The following SLC25A21 variants were observed in gnomAD, a reference collection of about 807,000 sequenced individuals.
SLC25A21 encodes the protein solute carrier family 25 member 21, also known as mitochondrial 2-oxodicarboxylate carrier.
Under a neutral mutation model 43.8 loss-of-function variants are expected in SLC25A21, and 47 were observed. The observed-to-expected ratio is 1.07, with a 90% CI of 0.85 to 1.37. The LOEUF is 1.37. Among genes scored for constraint, SLC25A21 ranks in the 40% most tolerant of loss-of-function variants. SLC25A21 has a pLI of 0.00. For synonymous variants in SLC25A21, 131 were observed against 121.3 expected (o/e 1.08, Z -0.52); for missense variants, 352 against 350.2 (o/e 1.00, Z -0.04).
intron 1 of SLC25A21, among the ~76,000 whole-genome samples, chr14:37,008,025 CT>C (rs1960646397): frequency 6.6e-6 from 1 of 151,934 alleles, no homozygotes; most frequent in African/African-American, 2.4e-5. Flanking sequence ...CAGGCAACCA[CT>C]ACTACGGCTG....
At chr14:37,135,320 C>T (rs145232363) in intron 1 of SLC25A21, among the ~76,000 whole-genome samples, 1 of 152,148 alleles carries the variant, frequency 6.6e-6, no homozygotes, top group East Asian at 1.9e-4. Context: ...ATCACTTGAG[C>T]CCAAGGAGTT....
chr14:37,086,100 G>A (rs1028978229), intron 1 of SLC25A21, among the ~76,000 whole-genome samples: 1 of 151,592 alleles, frequency 6.6e-6, no homozygotes, highest in Non-Finnish European at 1.5e-5. Flanking sequence ...GCGAGGCTCC[G>A]TCTCAAAAAA....
chr14:36,882,502 T>C (rs895423596), intron 1 of SLC25A21, among the ~76,000 whole-genome samples: 1 of 152,224 alleles, frequency 6.6e-6, no homozygotes, highest in Non-Finnish European at 1.5e-5. Context: ...ATGTGAATGG[T>C]ATCTCTAGGT....
In SLC25A21 at chr14:36,683,824, T is replaced by A; in HGVS notation, c.838+4A>T. 6.3e-7 allele frequency: 1 copy of A among 1,595,558 alleles called. No individual in the cohort carries two copies. Among genetic ancestry groups the A allele is most frequent in the Non-Finnish European group, 8.6e-7 (1 of 1,168,854 alleles). ...AAGGATTAAATAATCAAAATTATCA[T>A]TACCTGGTCCAAGTCTCATAATCTT... On this transcript the variant is annotated splice_donor_region_variant and intron_variant, in intron 9 of 9. Transcript: ENST00000331299.
intron 7 of SLC25A21, among the ~76,000 whole-genome samples, chr14:36,698,535 C>G (rs199925082): frequency 6.6e-6 from 1 of 152,218 alleles, no homozygotes; most frequent in African/African-American, 2.4e-5. Flanking sequence ...TTCTTCCCAT[C>G]ACTTTCAGGT....
intron 1 of SLC25A21, among the ~76,000 whole-genome samples, chr14:37,102,702 T>G (rs992061611): frequency 6.6e-6 from 1 of 151,840 alleles, no homozygotes; most frequent in African/African-American, 2.4e-5. Flanking sequence ...TTAGTCAAAT[T>G]TGGCTGGGCA....
chr14:37,074,131 A>T (rs1962229610), intron 1 of SLC25A21, among the ~76,000 whole-genome samples: 1 of 152,262 alleles, frequency 6.6e-6, no homozygotes. Flanking sequence ...TATTCCATAC[A>T]TACAACTTAA....
chr14:36,805,824 T>C (rs1241730432), intron 3 of SLC25A21, among the ~76,000 whole-genome samples: 1 of 152,110 alleles, frequency 6.6e-6, no homozygotes, highest in Non-Finnish European at 1.5e-5. Context: ...TGAATATTCA[T>C]ATGTGGAAGC....
At chr14:36,813,402 C>G (rs561463100) in intron 3 of SLC25A21, among the ~76,000 whole-genome samples, 1 of 151,994 alleles carries the variant, frequency 6.6e-6, no homozygotes, top group Non-Finnish European at 1.5e-5. Flanking sequence ...TGCTGTCACC[C>G]AGGCCGGAGT....
intron 7 of SLC25A21, among the ~76,000 whole-genome samples, chr14:36,710,551 C>T (rs570252160): frequency 1.1e-4 from 16 of 152,222 alleles, no homozygotes; most frequent in Admixed American, 2.6e-4. Context: ...CCACCTCAGC[C>T]TCCCGAGTAG....
chr14:37,081,458 C>CAGACAAGCAAGA (rs1962386192), intron 1 of SLC25A21, among the ~76,000 whole-genome samples: 1 of 152,182 alleles, frequency 6.6e-6, no homozygotes, highest in Admixed American at 6.5e-5. Flanking sequence ...AATACACTTA[C>CAGACAAGCAAGA]AGTGATTTGC....
intron 1 of SLC25A21, among the ~76,000 whole-genome samples, chr14:37,060,530 TG>T (rs1961925682): frequency 6.6e-6 from 1 of 151,844 alleles, no homozygotes; most frequent in Non-Finnish European, 1.5e-5. Flanking sequence ...CAATTTTTCA[TG>T]GGAAGTAAAA....
intron 1 of SLC25A21, among the ~76,000 whole-genome samples, chr14:36,919,649 A>ATCTATCTATCTATCTATCTATCTATCTG (rs1555336820): frequency 6.7e-6 from 1 of 149,630 alleles, no homozygotes; most frequent in African/African-American, 2.5e-5. Flanking sequence ...CTATCTATCT[A>ATCTATCTATCTATCTATCTATCTATCTG]TCTATCTATC....
intron 1 of SLC25A21, among the ~76,000 whole-genome samples, chr14:37,125,939 C>T (rs1031321808): frequency 1.3e-5 from 2 of 152,156 alleles, no homozygotes; most frequent in Non-Finnish European, 2.9e-5. Flanking sequence ...AACAATTATG[C>T]TTTCCACCTG....
intron 3 of SLC25A21, among the ~76,000 whole-genome samples, chr14:36,771,754 TA>T (rs5807907): frequency 0.49 from 71,117 of 146,272 alleles, 17,571 homozygotes; most frequent in African/African-American, 0.65. Flanking sequence ...GCAAGAAACA[TA>T]AAAAAAAAAA....
chr14:37,014,795 C>T (rs1960809990), intron 1 of SLC25A21, among the ~76,000 whole-genome samples: 1 of 152,066 alleles, frequency 6.6e-6, no homozygotes, highest in Admixed American at 6.6e-5. Context: ...CCATGGGCTG[C>T]AGAATAAATG....
intron 7 of SLC25A21, among the ~76,000 whole-genome samples, chr14:36,702,386 C>A (rs984170505): frequency 5.3e-5 from 8 of 150,016 alleles, no homozygotes; most frequent in Non-Finnish European, 1.0e-4. Flanking sequence ...TCCCTGTAAT[C>A]CCAGCACTTT....
intron 1 of SLC25A21, among the ~76,000 whole-genome samples, chr14:36,974,552 GA>G: frequency 6.6e-6 from 1 of 152,266 alleles, no homozygotes; most frequent in East Asian, 1.9e-4. Context: ...ACTTGCCCTA[GA>G]AAATTGGGCC....
At chr14:36,900,373 C>T (rs889886221) in intron 1 of SLC25A21, among the ~76,000 whole-genome samples, 3 of 152,016 alleles carry the variant, frequency 2.0e-5, no homozygotes, top group Non-Finnish European at 4.4e-5. Flanking sequence ...GGAGGACTAT[C>T]GAGAAGGTCA....
Sources: gnomAD v4.1 joint callset for allele counts (sites outside exome capture counted in the v4.1 genomes callset) on GRCh38, gnomAD v4.1.1 for gene constraint, MANE v1.5 for transcripts, NCBI Gene and HGNC (gene_info 2026-07-23, HGNC 2026-07-21) for gene names.